Variants in NEO1 observed in about 807,000 individuals in gnomAD.
NEO1 encodes the protein neogenin.
In NEO1, 63 loss-of-function variants were observed where a neutral mutation model predicts 159.7. That is an observed-to-expected ratio of 0.39 (90% CI 0.32 to 0.49). The LOEUF (loss-of-function observed/expected upper bound fraction) is 0.49. Among genes scored for constraint, NEO1 ranks in the 20% least tolerant of loss-of-function variants. The pLI, the probability that NEO1 is intolerant of heterozygous loss-of-function variation, is 0.85. For synonymous variants in NEO1, 633 were observed against 662.0 expected (o/e 0.96, Z 0.67); for missense variants, 1,615 against 1,831.0 (o/e 0.88, Z 2.15).
intron 26 of NEO1, among the ~76,000 whole-genome samples, chr15:73,294,521 A>C (rs530335127): frequency 6.6e-6 from 1 of 152,142 alleles, no homozygotes; most frequent in South Asian, 2.1e-4. Flanking sequence ...CATTCTTTTA[A>C]GTTTTTTGTT....
intron 14 of NEO1, among the ~76,000 whole-genome samples, chr15:73,259,453 A>G (rs2150984310): frequency 6.9e-6 from 1 of 145,816 alleles, no homozygotes; most frequent in Non-Finnish European, 1.5e-5. Context: ...TCGACCTCCC[A>G]TGCTTAAGCA....
intron 4 of NEO1, among the ~76,000 whole-genome samples, chr15:73,131,714 C>A (rs78760631): frequency 0.03 from 4,506 of 152,298 alleles, 88 homozygotes; most frequent in Non-Finnish European, 0.045. Context: ...GCACTCTCAA[C>A]CCCCTACCCA....
Position 73,266,304 on chromosome 15 carries a change from CT to C in NEO1, c.2399-4del, listed in dbSNP as rs556111664. 1.5e-5 allele frequency: 24 copies of C among 1,590,296 alleles called. No homozygotes were observed. Among genetic ancestry groups the C allele is most frequent in the African/African-American group, 2.7e-5 (2 of 73,820 alleles). Reference sequence around the variant, plus strand: ...GTGAGCATTTTTTTAATGTGTGTTTCTTTTTTTTCAGATCCCAGCTCTCACT... The same window carrying C: ...GTGAGCATTTTTTTAATGTGTGTTTCTTTTTTTCAGATCCCAGCTCTCACT... On this transcript the variant is annotated splice_polypyrimidine_tract_variant and intron_variant, in intron 15 of 28. Transcript: ENST00000261908.
At chr15:73,133,259 T>G (rs2031356607) in intron 4 of NEO1, among the ~76,000 whole-genome samples, 1 of 152,138 alleles carries the variant, frequency 6.6e-6, no homozygotes, top group Non-Finnish European at 1.5e-5. Flanking sequence ...CAACCTGGAT[T>G]GAATGGGAGA....
intron 1 of NEO1, among the ~76,000 whole-genome samples, chr15:73,092,446 C>T (rs1038502415): frequency 2.6e-5 from 4 of 152,118 alleles, no homozygotes; most frequent in African/African-American, 9.7e-5. Context: ...TTTTGATTTG[C>T]TGATCCTTCT....
intron 1 of NEO1, among the ~76,000 whole-genome samples, chr15:73,097,704 A>T (rs1028765583): frequency 6.8e-6 from 1 of 147,226 alleles, no homozygotes; most frequent in African/African-American, 2.5e-5. Context: ...GTGGCCATTG[A>T]TAGTTTTATT....
chr15:73,304,223 A>T lies in NEO1; in HGVS notation c.*1527A>T. 6.6e-6 allele frequency: 1 copy of T among 152,036 alleles called. No homozygotes were observed. The allele number at this position is 152,036 out of a possible 1,614,324, so 9.4% of individuals were successfully genotyped here. ...CACATGGAAGCCATTGCCTTTGCACATAGTTCTTGGGTTCTTTTTCCTAAA... is the reference window on the plus strand; with the variant it reads ...CACATGGAAGCCATTGCCTTTGCACTTAGTTCTTGGGTTCTTTTTCCTAAA... On this transcript the variant is annotated 3_prime_UTR_variant, in exon 29 of 29. Coordinates refer to ENST00000261908, the MANE Select transcript of NEO1 (RefSeq NM_002499.4).
At chr15:73,159,541 A>G (rs1015879587) in intron 5 of NEO1, among the ~76,000 whole-genome samples, 20 of 151,770 alleles carry the variant, frequency 1.3e-4, no homozygotes, top group African/African-American at 4.1e-4. Context: ...AATATATCCC[A>G]CTAAACCCAC....
In NEO1 at chr15:73,303,791, C is replaced by T. The variant is rs2042700653; in HGVS notation, c.*1095C>T. The T allele has an allele frequency of 1.3e-5, 2 of 152,302 alleles. No individual in the cohort carries two copies. The highest frequency in any genetic ancestry group is 3.9e-4 in the East Asian group (2 of 5,178). 9.4% of individuals were successfully genotyped at this position (152,302 alleles called of 1,614,324 possible). A position where few individuals can be genotyped will look rare whatever the true frequency, so the allele number is the denominator to read the frequency against. ...GTTGTATTTCTAACTGCCTGAGTCA[C>T]ACAGAATAGGGTAAGAGCCTGACCC... On this transcript the variant is annotated 3_prime_UTR_variant, in exon 29 of 29. Transcript: ENST00000261908.
At position 73,197,703 on chromosome 15, in the gene NEO1, CAG is replaced by C. The variant is rs1257469739; in HGVS notation, c.1291+19278_1291+19279del. Among the ~76,000 whole-genome samples, 510 of 130,138 alleles carry C rather than the reference CAG, an allele frequency of 3.9e-3. 4 individuals carry two copies. The highest frequency in any genetic ancestry group is 0.013 in the African/African-American group (485 of 35,988). The allele number at this position is 130,138 out of a possible 152,430, so 85.4% of individuals were successfully genotyped here. A position where few individuals can be genotyped will look rare whatever the true frequency, so the allele number is the denominator to read the frequency against. ...TACCTTTTTTTTTTTTTTTTTGAGA[CAG>C]AATCTCATTCTGTCACCCAGGCTGG... is the stretch of plus-strand genomic sequence containing the variant. On this transcript the variant is annotated intron_variant, in intron 7 of 28. Coordinates refer to ENST00000261908, the MANE Select transcript of NEO1 (RefSeq NM_002499.4).
chr15:73,290,611 T>C (rs541302679), intron 25 of NEO1, among the ~76,000 whole-genome samples: 171 of 152,350 alleles, frequency 1.1e-3, no homozygotes, highest in Non-Finnish European at 1.9e-3. Flanking sequence ...TCTGAGCCTC[T>C]TTTAATAATA....
Position 73,154,799 on chromosome 15 carries a change from C to T in NEO1, c.1015+18772C>T, listed in dbSNP as rs560642412. On this transcript the variant is annotated intron_variant, in intron 5 of 28. Coordinates refer to ENST00000261908, the MANE Select transcript of NEO1 (RefSeq NM_002499.4). ...AATGAAGTTTTTAAAATTCATTCCA[C>T]CAATCTATATCTTTTAAGTGGAGCT... Among the ~76,000 whole-genome samples the T allele has an allele frequency of 5.3e-5, 8 of 152,230 alleles. 2 individuals carry two copies. In the South Asian group the frequency reaches 1.7e-3, roughly 32 times the overall value.
intron 5 of NEO1, among the ~76,000 whole-genome samples, chr15:73,172,157 C>T (rs1487592004): frequency 3.3e-5 from 5 of 151,918 alleles, no homozygotes; most frequent in African/African-American, 9.7e-5. Flanking sequence ...GTTGAATCAA[C>T]GTAATAGGTA....
intron 22 of NEO1, 26 bp from the exon 23 acceptor site, chr15:73,282,938 C>T (rs375732698): frequency 1.7e-5 from 28 of 1,610,554 alleles, no homozygotes; most frequent in Non-Finnish European, 2.3e-5. Context: ...CTAACCCTAA[C>T]ACATGTACCA....
chr15:73,103,826 C>A (rs2070532931), intron 1 of NEO1, among the ~76,000 whole-genome samples: 3 of 152,002 alleles, frequency 2.0e-5, no homozygotes, highest in South Asian at 2.1e-4. Context: ...CATGATAGAT[C>A]CTTAGTAATA....
intron 22 of NEO1, among the ~76,000 whole-genome samples, chr15:73,279,601 G>A (rs11636216): frequency 2.6e-5 from 4 of 151,790 alleles, no homozygotes; most frequent in African/African-American, 7.3e-5. Context: ...CGCCCACCTC[G>A]GCCTCCCAAA....
At chr15:73,266,509 A>C (rs1170849139) in intron 16 of NEO1, 98 bp downstream of exon 16, 2 of 786,262 alleles carry the variant, frequency 2.5e-6, no homozygotes, top group East Asian at 5.6e-5. Context: ...GGGAAGAAAA[A>C]GCATATGGCA....
intron 5 of NEO1, among the ~76,000 whole-genome samples, chr15:73,158,075 C>T (rs955350956): frequency 6.6e-6 from 1 of 151,862 alleles, no homozygotes; most frequent in African/African-American, 2.4e-5. Context: ...AATTAGCTGG[C>T]TTGGTAGTGC....
chr15:73,104,817 C>T (rs1277767715), intron 1 of NEO1, among the ~76,000 whole-genome samples: 1 of 152,120 alleles, frequency 6.6e-6, no homozygotes, highest in African/African-American at 2.4e-5. Context: ...GGCACATCTT[C>T]ACATGGAGAA....
Sources: gnomAD v4.1 joint callset for allele counts (sites outside exome capture counted in the v4.1 genomes callset) on GRCh38, gnomAD v4.1.1 for gene constraint, MANE v1.5 for transcripts, NCBI Gene and HGNC (gene_info 2026-07-23, HGNC 2026-07-21) for gene names.